The following RBFOX1 variants were observed in gnomAD, a reference collection of about 807,000 sequenced individuals.
RBFOX1 encodes RNA binding fox-1 homolog 1.
Under a neutral mutation model 57.7 loss-of-function variants are expected in RBFOX1, and 8 were observed. The observed-to-expected ratio is 0.14, with a 90% CI of 0.08 to 0.25. RBFOX1 has a LOEUF of 0.25. RBFOX1 is among the 10% of genes least tolerant of loss of function. The probability of loss-of-function intolerance (pLI) is 1.00; values close to 1 mark genes in which losing one functional copy is unlikely to be tolerated. For missense variants in RBFOX1, 611 were observed against 548.5 expected, an observed-to-expected ratio of 1.11 and a Z score of -1.14; for synonymous variants, 326 against 222.4, an observed-to-expected ratio of 1.47 and a Z score of -4.15.
chr16:5,417,046 C>T (rs1014489451), intron 1 of RBFOX1, among the ~76,000 whole-genome samples: 1 of 152,170 alleles, frequency 6.6e-6, no homozygotes, highest in Non-Finnish European at 1.5e-5. Flanking sequence ...AGAACAACAA[C>T]AATAACAATG....
At chr16:6,780,389 T>C (rs1425998684) in intron 3 of RBFOX1, among the ~76,000 whole-genome samples, 4 of 91,494 alleles carry the variant, frequency 4.4e-5, no homozygotes, top group Non-Finnish European at 7.0e-5. Context: ...TTATACATAT[T>C]ATATATATTT....
At chr16:7,165,955 C>T (rs1187114366) in intron 4 of RBFOX1, among the ~76,000 whole-genome samples, 4 of 93,110 alleles carry the variant, frequency 4.3e-5, no homozygotes, top group African/African-American at 1.9e-4. Flanking sequence ...CACACACACA[C>T]ACACACACAC....
intron 1 of RBFOX1, among the ~76,000 whole-genome samples, chr16:6,131,556 A>T (rs1420836319): frequency 6.6e-6 from 1 of 152,216 alleles, no homozygotes; most frequent in East Asian, 1.9e-4. Flanking sequence ...TCTCCAATCT[A>T]TTCCACTCCC....
At chr16:6,174,724 C>T (rs977370923) in intron 1 of RBFOX1, among the ~76,000 whole-genome samples, 10 of 152,218 alleles carry the variant, frequency 6.6e-5, no homozygotes, top group Non-Finnish European at 1.3e-4. Context: ...TTTGGATGTT[C>T]TGCACCTACG....
At chr16:6,283,713 G>T (rs1180579198) in intron 1 of RBFOX1, among the ~76,000 whole-genome samples, 1 of 152,138 alleles carries the variant, frequency 6.6e-6, no homozygotes, top group Non-Finnish European at 1.5e-5. Flanking sequence ...CTTCCAGAAG[G>T]AATATGCACA....
chr16:6,998,979 G>T (rs939685288), intron 3 of RBFOX1, among the ~76,000 whole-genome samples: 1 of 150,930 alleles, frequency 6.6e-6, no homozygotes, highest in African/African-American at 2.4e-5. Context: ...AGCGATTCTC[G>T]TGCCTCGGCA....
At chr16:6,508,363 C>G (rs77622281) in intron 2 of RBFOX1, among the ~76,000 whole-genome samples, 13,696 of 152,086 alleles carry the variant, frequency 0.09, 705 homozygotes, top group Middle Eastern at 0.13. Context: ...GAACATAAAA[C>G]TTAAAACAAA....
chr16:6,407,952 G>A (rs2093342906), intron 2 of RBFOX1, among the ~76,000 whole-genome samples: 1 of 152,130 alleles, frequency 6.6e-6, no homozygotes, highest in Non-Finnish European at 1.5e-5. Context: ...AGAGCTGGAG[G>A]CTTTAGGAGG....
intron 5 of RBFOX1, among the ~76,000 whole-genome samples, chr16:7,528,922 T>C (rs1018046398): frequency 2.0e-5 from 3 of 152,170 alleles, no homozygotes; most frequent in Non-Finnish European, 4.4e-5. Flanking sequence ...ATCTACGCTA[T>C]CTTCTCGTTG....
chr16:7,079,592 A>C (rs1392258908), intron 4 of RBFOX1, among the ~76,000 whole-genome samples: 1 of 152,218 alleles, frequency 6.6e-6, no homozygotes, highest in African/African-American at 2.4e-5. Flanking sequence ...AAAGAAAAAT[A>C]AAATGCCATA....
intron 1 of RBFOX1, among the ~76,000 whole-genome samples, chr16:6,134,729 G>A (rs773076781): frequency 6.7e-6 from 1 of 149,684 alleles, no homozygotes; most frequent in Non-Finnish European, 1.5e-5. Context: ...CCAGGCTGGA[G>A]TGCAGTGGTG....
intron 1 of RBFOX1, among the ~76,000 whole-genome samples, chr16:6,253,124 A>G (rs1410415318): frequency 6.6e-6 from 1 of 152,248 alleles, no homozygotes; most frequent in African/African-American, 2.4e-5. Context: ...TCATACACAC[A>G]CTTACATCTC....
At position 6,779,346 on chromosome 16, in the gene RBFOX1, G is replaced by A. The variant is rs138842071; in HGVS notation, c.-16+124696G>A. Among the ~76,000 whole-genome samples, 1,448 of 152,074 alleles carry A rather than the reference G, an allele frequency of 9.5e-3. 28 individuals carry two copies. The highest frequency in any genetic ancestry group is 0.033 in the African/African-American group (1,372 of 41,514). On this transcript the variant is annotated intron_variant, in intron 3 of 15. Transcript: ENST00000550418. ...TCTATGCTGTTTGAAATGACAGGAT[G>A]TCATGCTTTTTTGTGGTTGAATAAT...
At chr16:5,849,271 AT>A (rs2151861282) in intron 3 of RBFOX1, among the ~76,000 whole-genome samples, 1 of 152,200 alleles carries the variant, frequency 6.6e-6, no homozygotes, top group East Asian at 1.9e-4. Flanking sequence ...GAGTGCCCTG[AT>A]TTTAGCAGTC....
At chr16:6,562,880 C>CTTTCTTTTTTT (rs746999419) in intron 2 of RBFOX1, among the ~76,000 whole-genome samples, 14 of 51,772 alleles carry the variant, frequency 2.7e-4, no homozygotes, top group Non-Finnish European at 4.7e-4. Flanking sequence ...TTCTTTCTTT[C>CTTTCTTTTTTT]TTTTTTTTTT....
intron 4 of RBFOX1, among the ~76,000 whole-genome samples, chr16:5,949,209 C>G (rs540202645): frequency 1.3e-5 from 2 of 152,252 alleles, no homozygotes; most frequent in South Asian, 2.1e-4. Context: ...ATCTACTATA[C>G]AGCCTGTGTC....
chr16:7,373,642 T>C (rs2097620207), intron 4 of RBFOX1, among the ~76,000 whole-genome samples: 1 of 151,876 alleles, frequency 6.6e-6, no homozygotes, highest in Admixed American at 6.5e-5. Context: ...TCTGCTATTT[T>C]GCTCAGAATA....
chr16:6,867,485 G>A lies in RBFOX1; in HGVS notation c.-15-184572G>A, dbSNP rs145275964. On this transcript the variant is annotated intron_variant, in intron 3 of 15. Transcript: ENST00000550418. ...TGTAATTCCAGCACTTTGGGGGGCCGAGACAGGCGGATCACTTGAGGTCAG... is the reference window on the plus strand; with the variant it reads ...TGTAATTCCAGCACTTTGGGGGGCCAAGACAGGCGGATCACTTGAGGTCAG... Among the ~76,000 whole-genome samples the A allele has an allele frequency of 2.5e-3, 378 of 152,152 alleles. 3 individuals carry two copies. The highest frequency in any genetic ancestry group is 8.5e-3 in the African/African-American group (354 of 41,534).
At chr16:6,729,931 C>T (rs369578514) in intron 3 of RBFOX1, among the ~76,000 whole-genome samples, 92 of 152,168 alleles carry the variant, frequency 6.0e-4, no homozygotes, top group African/African-American at 2.0e-3. Flanking sequence ...TGCCCGACTC[C>T]GAGAAGAGAT....
Sources: gnomAD v4.1 joint callset for allele counts (sites outside exome capture counted in the v4.1 genomes callset) on GRCh38, gnomAD v4.1.1 for gene constraint, MANE v1.5 for transcripts, NCBI Gene and HGNC (gene_info 2026-07-23, HGNC 2026-07-21) for gene names.